Variants in RASGEF1C observed in about 807,000 individuals in gnomAD.
RASGEF1C encodes the protein RasGEF domain family member 1C.
RASGEF1C carries 27 observed loss-of-function variants against 58.1 expected under a neutral mutation model. The observed-to-expected ratio is 0.46, with a 90% confidence interval of 0.34 to 0.64. RASGEF1C has a LOEUF of 0.64. RASGEF1C is among the 30% of genes least tolerant of loss of function. The pLI is 0.01. For synonymous variants in RASGEF1C, 243 were observed against 246.3 expected (o/e 0.99, Z 0.13); for missense variants, 502 against 605.1 (o/e 0.83, Z 1.79).
At position 180,167,911 on chromosome 5, in the gene RASGEF1C, G is replaced by A. The variant is rs189432291; in HGVS notation, c.-6-29853C>T. On this transcript the variant is annotated intron_variant, in intron 1 of 13. Coordinates refer to ENST00000361132, the MANE Select transcript of RASGEF1C (RefSeq NM_175062.4). ...CAGAATGGCTTGGGCCAAAAGTTTA[G>A]GCTTCTGTGGGTTGTGGTTCCACGT... Among the ~76,000 whole-genome samples, 441 of 152,276 alleles carry A rather than the reference G, an allele frequency of 2.9e-3. 1 individual carries two copies. The highest frequency in any genetic ancestry group is 5.1e-3 in the Non-Finnish European group (346 of 68,016).
chr5:180,134,251 A>G (rs868210813), intron 4 of RASGEF1C, among the ~76,000 whole-genome samples: 1 of 152,030 alleles, frequency 6.6e-6, no homozygotes, highest in Admixed American at 6.6e-5. Context: ...GACATGGGGA[A>G]GCACTACTGG....
rs938918400 is a variant in RASGEF1C at position 180,111,508 on chromosome 5, C to T, written c.1252G>A (p.Asp418Asn). ...TACAGGTAGTGGGTGATGCTGGCGT[C>T]TTGCTCGAAGGGACACTCCACTTGT... is the stretch of plus-strand genomic sequence containing the variant. ...WKQVECPFEQ[D>N]ASITHYLYTA... The change falls in exon 12 of 14, where the codon GAC becomes AAC. Residue 418 changes from aspartate (D) to asparagine (N), a missense_variant. Coordinates refer to ENST00000361132, the MANE Select transcript of RASGEF1C (RefSeq NM_175062.4). 6.2e-7 allele frequency: 1 copy of T among 1,614,108 alleles called. No individual in the cohort carries two copies. The highest frequency in any genetic ancestry group is 1.3e-5 in the African/African-American group (1 of 74,934).
At chr5:180,182,138 G>A (rs1463577968) in intron 1 of RASGEF1C, among the ~76,000 whole-genome samples, 1 of 143,506 alleles carries the variant, frequency 7.0e-6, no homozygotes, top group Non-Finnish European at 1.5e-5. Context: ...CCGGGAGGTG[G>A]AGCTTGCAGT....
chr5:180,154,501 G>A (rs1276006391), intron 1 of RASGEF1C, among the ~76,000 whole-genome samples: 2 of 151,932 alleles, frequency 1.3e-5, no homozygotes, highest in African/African-American at 2.4e-5. Context: ...CTTTACAGTT[G>A]AATAAACCCG....
intron 1 of RASGEF1C, among the ~76,000 whole-genome samples, chr5:180,179,476 G>C (rs1263562545): frequency 6.6e-6 from 1 of 152,104 alleles, no homozygotes; most frequent in Non-Finnish European, 1.5e-5. Flanking sequence ...ACCAACCCAG[G>C]ACAGGGGCGT....
At position 180,152,640 on chromosome 5, in the gene RASGEF1C, C is replaced by G. The variant is rs547642247; in HGVS notation, c.-6-14582G>C. 1.5e-3 allele frequency among the ~76,000 whole-genome samples: 223 copies of G among 150,162 alleles called. 1 individual carries two copies. Among genetic ancestry groups the G allele is most frequent in the African/African-American group, 5.2e-3 (211 of 40,594 alleles). On this transcript the variant is annotated intron_variant, in intron 1 of 13. Transcript: ENST00000361132. The stretch of plus-strand genomic sequence containing the variant: ...ATGACGAGTTAATGGGTGCAGCACA[C>G]CAACATGGCACATGTATACATATGT...
At chr5:180,174,341 C>T (rs912358104) in intron 1 of RASGEF1C, among the ~76,000 whole-genome samples, 1 of 152,060 alleles carries the variant, frequency 6.6e-6, no homozygotes, top group African/African-American at 2.4e-5. Context: ...TTTTCTCTGG[C>T]TTCCCTCAGA....
chr5:180,186,775 G>C (rs1756050370), intron 1 of RASGEF1C, among the ~76,000 whole-genome samples: 1 of 152,168 alleles, frequency 6.6e-6, no homozygotes, highest in South Asian at 2.1e-4. Context: ...AGACCAGCCT[G>C]GCCAACATAG....
chr5:180,207,835 G>A (rs373758002), intron 1 of RASGEF1C, among the ~76,000 whole-genome samples: 3 of 151,994 alleles, frequency 2.0e-5, no homozygotes, highest in African/African-American at 7.2e-5. Flanking sequence ...TGGGCTCCCC[G>A]CTCAGGACAG....
At chr5:180,191,944 A>T (rs1218633280) in intron 1 of RASGEF1C, among the ~76,000 whole-genome samples, 2 of 152,150 alleles carry the variant, frequency 1.3e-5, no homozygotes, top group African/African-American at 4.8e-5. Context: ...TGTTGGCAGC[A>T]TTCGTTTTCT....
chr5:180,120,690 T>C (rs962669589), intron 7 of RASGEF1C, among the ~76,000 whole-genome samples: 3 of 152,166 alleles, frequency 2.0e-5, no homozygotes, highest in Admixed American at 6.5e-5. Context: ...AGGTCGGCTC[T>C]CGTCCTCCTC....
chr5:180,172,657 C>T (rs982550732), intron 1 of RASGEF1C, among the ~76,000 whole-genome samples: 12 of 152,140 alleles, frequency 7.9e-5, no homozygotes, highest in Admixed American at 5.9e-4. Context: ...CCTGAGGCTC[C>T]ACCCCAGAGC....
In RASGEF1C at chr5:180,197,119, T is replaced by C. The variant is rs1487394738; in HGVS notation, c.-7+11909A>G. Among the ~76,000 whole-genome samples, 1 of 152,198 alleles carries C rather than the reference T, an allele frequency of 6.6e-6. No homozygotes were observed. On this transcript the variant is annotated intron_variant, in intron 1 of 13. Coordinates refer to ENST00000361132, the MANE Select transcript of RASGEF1C (RefSeq NM_175062.4). This position sits in a 1 kb window ranked among gnomAD's most constrained non-coding sequence, Gnocchi z 4.7. ...CCAGCCTGCCTCTGATGAGCCTCCT[T>C]GGTCCCTCTGCAGCACGATCCCCTT...
intron 12 of RASGEF1C, among the ~76,000 whole-genome samples, chr5:180,103,546 C>T (rs1057380047): frequency 5.3e-5 from 8 of 152,204 alleles, no homozygotes; most frequent in African/African-American, 1.9e-4. Context: ...GTCTTGTATC[C>T]TGCAACCTTG....
chr5:180,186,708 G>C (rs1467995423), intron 1 of RASGEF1C, among the ~76,000 whole-genome samples: 1 of 152,190 alleles, frequency 6.6e-6, no homozygotes, highest in African/African-American at 2.4e-5. Context: ...GCTCACGCTT[G>C]TAATCCCAGG....
At chr5:180,142,481 A>C (rs1272638472) in intron 1 of RASGEF1C, among the ~76,000 whole-genome samples, 1 of 152,146 alleles carries the variant, frequency 6.6e-6, no homozygotes, top group East Asian at 1.9e-4. Context: ...TCCTGAGAAA[A>C]TAAAGGGGAC....
At chr5:180,119,613 C>T (rs1431939670) in intron 7 of RASGEF1C, among the ~76,000 whole-genome samples, 165 bp from the exon 8 acceptor site, 1 of 152,180 alleles carries the variant, frequency 6.6e-6, no homozygotes. Flanking sequence ...TGGGCTGAGC[C>T]AGCAGAGCCC....
chr5:180,185,001 C>T (rs1032958124), intron 1 of RASGEF1C, among the ~76,000 whole-genome samples: 1 of 152,196 alleles, frequency 6.6e-6, no homozygotes, highest in Non-Finnish European at 1.5e-5. Context: ...GATAGAAAAT[C>T]ATGAAGGAGG....
At chr5:180,169,698 G>A (rs966137239) in intron 1 of RASGEF1C, among the ~76,000 whole-genome samples, 12 of 152,166 alleles carry the variant, frequency 7.9e-5, no homozygotes, top group Non-Finnish European at 1.3e-4. Flanking sequence ...CCAGCACAGC[G>A]TGGGGACTTG....
Sources: allele counts gnomAD v4.1 joint callset (sites outside exome capture counted in the v4.1 genomes callset), GRCh38; gene constraint gnomAD v4.1.1; non-coding constraint Gnocchi (gnomAD v3.1); transcripts MANE v1.5; gene names NCBI Gene and HGNC (gene_info 2026-07-23, HGNC 2026-07-21).